Variants in FAN1 observed in about 807,000 individuals in gnomAD.
FAN1 encodes the protein fanconi-associated nuclease 1.
FAN1 carries 91 observed loss-of-function variants against 104.9 expected under a neutral mutation model. That is an observed-to-expected ratio of 0.87 (90% confidence interval 0.73 to 1.03). FAN1 has a LOEUF of 1.03. FAN1 is among the 50% of genes least tolerant of loss of function. The probability of loss-of-function intolerance (pLI) is 0.00; values close to 1 mark genes in which losing one functional copy is unlikely to be tolerated. For synonymous variants in FAN1, 478 were observed against 457.6 expected, an observed-to-expected ratio of 1.04 and a Z score of -0.57; for missense variants, 1,263 against 1,239.9, an observed-to-expected ratio of 1.02 and a Z score of -0.28.
chr15:30,922,381 A>G (rs2062355362), intron 8 of FAN1, 27 bp downstream of exon 8: 1 of 1,574,634 alleles, frequency 6.4e-7, no homozygotes. Flanking sequence ...CATATCTGAA[A>G]CACCTTTTCA....
At chr15:30,939,237 A>G in intron 14 of FAN1, 2 of 985,460 alleles carry the variant, frequency 2.0e-6, no homozygotes, top group Non-Finnish European at 2.4e-6. Context: ...TTTCCATCAT[A>G]AAATAACAGC....
Position 30,942,742 on chromosome 15 carries a change from A to G in FAN1, c.*1180A>G. ...CCAGGAAGAAAGCTGGGATACAGTC[A>G]TTTGAGTTAAAAAGGGAATGACCCC... On this transcript the variant is annotated 3_prime_UTR_variant, in exon 15 of 15. Coordinates refer to ENST00000362065, the MANE Select transcript of FAN1 (RefSeq NM_014967.5). 1 of 792,446 alleles carries G rather than the reference A, an allele frequency of 1.3e-6. No individual in the cohort carries two copies. Among genetic ancestry groups the G allele is most frequent in the Non-Finnish European group, 1.9e-6 (1 of 528,464 alleles). The allele number at this position is 792,446 out of a possible 1,614,324, so 49.1% of individuals were successfully genotyped here.
intron 8 of FAN1, among the ~76,000 whole-genome samples, chr15:30,922,788 T>C (rs1474381): frequency 0.23 from 35,175 of 152,210 alleles, 5,171 homozygotes; most frequent in African/African-American, 0.42. Context: ...CCCTATCTTA[T>C]TGCAGGTCCT....
In FAN1 at chr15:30,943,012, CAG is replaced by C. The variant is rs2063104463; in HGVS notation, c.*1453_*1454del. 7 of 1,551,984 alleles carry C rather than the reference CAG, an allele frequency of 4.5e-6. No homozygotes were observed. Among genetic ancestry groups the C allele is most frequent in the Non-Finnish European group, 5.2e-6 (6 of 1,147,074 alleles). On this transcript the variant is annotated 3_prime_UTR_variant, in exon 15 of 15. Coordinates refer to ENST00000362065, the MANE Select transcript of FAN1 (RefSeq NM_014967.5). The stretch of plus-strand genomic sequence containing the variant: ...GTAAACTGGAGAGACCAGTCCCAAA[CAG>C]AGGGGAATTTTAAGCCCTTCTCATC...
chr15:30,927,922 G>T (rs2062506126), intron 10 of FAN1: 8 of 985,724 alleles, frequency 8.1e-6, no homozygotes, highest in Non-Finnish European at 9.6e-6. Flanking sequence ...CTCCCAGTCA[G>T]TAAAACATTT....
At chr15:30,932,789 T>C (rs2062750124) in intron 13 of FAN1, among the ~76,000 whole-genome samples, 1 of 149,542 alleles carries the variant, frequency 6.7e-6, no homozygotes, top group African/African-American at 2.4e-5. Context: ...GTTAGCTCAC[T>C]GCAACTTCCG....
At chr15:30,940,080 C>G in intron 14 of FAN1, 1 of 983,322 alleles carries the variant, frequency 1.0e-6, no homozygotes, top group Non-Finnish European at 1.2e-6. Context: ...AGGAAATAAG[C>G]TAACTAGACA....
chr15:30,921,337 ACCTTTTGCTT>A (rs2140927507), intron 7 of FAN1, among the ~76,000 whole-genome samples: 1 of 151,896 alleles, frequency 6.6e-6, no homozygotes, highest in Non-Finnish European at 1.5e-5. Flanking sequence ...TCTCTGAGGG[ACCTTTTGCTT>A]CCTTTTGCTT....
At chr15:30,913,270 G>A (rs960897428) in intron 4 of FAN1, among the ~76,000 whole-genome samples, 1 of 152,146 alleles carries the variant, frequency 6.6e-6, no homozygotes. Flanking sequence ...TCTATTGCCT[G>A]ATGATATGAA....
chr15:30,932,221 CAAAAAA>C (rs766829435), intron 13 of FAN1, among the ~76,000 whole-genome samples: 2 of 49,508 alleles, frequency 4.0e-5, no homozygotes, highest in African/African-American at 6.5e-5. Flanking sequence ...GACTCCATCT[CAAAAAA>C]AAAAAAAAAA....
At chr15:30,911,154 T>C in intron 4 of FAN1, 3 of 1,050,758 alleles carry the variant, frequency 2.9e-6, no homozygotes, top group Non-Finnish European at 3.4e-6. Context: ...TATTTTAGTT[T>C]TTGTTTACTA....
At chr15:30,932,344 AT>A (rs1566933727) in intron 13 of FAN1, among the ~76,000 whole-genome samples, 1 of 151,694 alleles carries the variant, frequency 6.6e-6, no homozygotes, top group Non-Finnish European at 1.5e-5. Context: ...ATGGGAGTTG[AT>A]TTTGTAAAAT....
rs1179056869 is a variant in FAN1 at position 30,918,311 on chromosome 15, G to T, written c.1943+16G>T. The T allele has an allele frequency of 6.2e-7, 1 of 1,613,252 alleles. No individual in the cohort carries two copies. Among genetic ancestry groups the T allele is most frequent in the Non-Finnish European group, 8.5e-7 (1 of 1,179,662 alleles). On this transcript the variant is annotated intron_variant, in intron 6 of 14. Transcript: ENST00000362065. Reference sequence around the variant, plus strand: ...CTTCTCTGAGGTGAGAGTTTTTCTAGGTACCTGCCAAAATTTATACATTGA... The same window carrying T: ...CTTCTCTGAGGTGAGAGTTTTTCTATGTACCTGCCAAAATTTATACATTGA...
chr15:30,905,610 T>G lies in FAN1; in HGVS notation c.947T>G (p.Leu316Arg), dbSNP rs778652554. 1.4e-5 allele frequency: 22 copies of G among 1,614,106 alleles called. No homozygotes were observed. Among genetic ancestry groups the G allele is most frequent in the Non-Finnish European group, 1.8e-5 (21 of 1,179,962 alleles). ...GTTGCTTCAGAAGCTAAAATACAGCTGTCAGATTCAGAGGCAAAATCTCAT... is the reference window on the plus strand; with the variant it reads ...GTTGCTTCAGAAGCTAAAATACAGCGGTCAGATTCAGAGGCAAAATCTCAT... Reference protein sequence around the residue: ...MTVASEAKIQLSDSEAKSHSS... With the variant: ...MTVASEAKIQRSDSEAKSHSS... Residue 316 changes from leucine (L) to arginine (R), a missense_variant, in exon 2 of 15, where the codon CTG becomes CGG. By Grantham distance (102) the Leu-to-Arg change is moderately radical. Coordinates refer to ENST00000362065, the MANE Select transcript of FAN1 (RefSeq NM_014967.5).
Position 30,910,640 on chromosome 15 carries a change from G to A in FAN1, c.1402G>A (p.Val468Met). 1 of 1,609,956 alleles carries A rather than the reference G, an allele frequency of 6.2e-7. No homozygotes were observed. Among genetic ancestry groups the A allele is most frequent in the Non-Finnish European group, 8.5e-7 (1 of 1,177,898 alleles). ...ATCTGAGTTGCAAGAACTCTCTGAA[G>A]TGCTTGAACTCCTTTCTGCTCCTGA... Reference protein sequence around the residue: ...TESELQELSEVLELLSAPELK... With the variant: ...TESELQELSEMLELLSAPELK... The change falls in exon 4 of 15, where the codon GTG becomes ATG. Residue 468 changes from valine (V) to methionine (M), a missense_variant. Physicochemically the swap from Val to Met is conservative, Grantham distance 21 (BLOSUM62 1). Around this residue, in one of 2 missense-constraint regions of FAN1, gnomAD observed 682 missense variants for 571.1 expected, o/e 1.19. Coordinates refer to ENST00000362065, the MANE Select transcript of FAN1 (RefSeq NM_014967.5).
intron 14 of FAN1, chr15:30,939,607 C>T: frequency 1.1e-6 from 1 of 928,082 alleles, no homozygotes; most frequent in South Asian, 5.0e-5. Context: ...TTAATAGTAC[C>T]TAATATTTTT....
intron 11 of FAN1, chr15:30,928,930 G>A (rs144447348): frequency 4.0e-5 from 16 of 400,088 alleles, no homozygotes; most frequent in African/African-American, 6.5e-5. Flanking sequence ...AGCACCTGCC[G>A]TGTCGCAGGC....
Position 30,922,364 on chromosome 15 carries a change from A to G in FAN1, c.2172+10A>G. ...GAAGCGCCTGGAACCGGTACTCAGT[A>G]ACAAAACATATCTGAAACACCTTTT... On this transcript the variant is annotated intron_variant, in intron 8 of 14. Transcript: ENST00000362065. The G allele has an allele frequency of 1.3e-6, 2 of 1,589,692 alleles. No individual in the cohort carries two copies. Among genetic ancestry groups the G allele is most frequent in the Admixed American group, 3.9e-5 (2 of 51,542 alleles).
At position 30,905,217 on chromosome 15, in the gene FAN1, A is replaced by G. The variant is rs779675652; in HGVS notation, c.554A>G (p.Lys185Arg). ...EFAGSSPQSSKSTVVKSLIDN... is the reference protein window; with the variant it reads ...EFAGSSPQSSRSTVVKSLIDN... ...GCCGGTTCTAGTCCACAGAGTTCCA[A>G]ATCCACAGTTGTTAAGAGCCTGATT... Residue 185 changes from lysine to arginine, a missense_variant, in exon 2 of 15, where the codon AAA becomes AGA. Lys to Arg is a conservative substitution (Grantham distance 26). Around this residue, in one of 2 missense-constraint regions of FAN1, gnomAD observed 682 missense variants for 571.1 expected, o/e 1.19. Coordinates refer to ENST00000362065, the MANE Select transcript of FAN1 (RefSeq NM_014967.5). The G allele has an allele frequency of 1.9e-6, 3 of 1,613,816 alleles. No homozygotes were observed. Among genetic ancestry groups the G allele is most frequent in the Non-Finnish European group, 2.5e-6 (3 of 1,179,970 alleles).
Sources: allele counts gnomAD v4.1 joint callset (sites outside exome capture counted in the v4.1 genomes callset), GRCh38; gene constraint gnomAD v4.1.1; regional missense constraint gnomAD v4.1.1; transcripts MANE v1.5; gene names NCBI Gene and HGNC (gene_info 2026-07-23, HGNC 2026-07-21).